DCC: variants seen among roughly 807,000 people sequenced by gnomAD.
DCC encodes the protein netrin receptor DCC.
In DCC, 58 loss-of-function variants were observed where a neutral mutation model predicts 172.5. That is an observed-to-expected ratio of 0.34 (90% CI 0.27 to 0.42). DCC has a LOEUF of 0.42. Ranked by LOEUF, DCC falls within the 10% of genes least tolerant of loss-of-function variation. The pLI, the probability that DCC is intolerant of heterozygous loss-of-function variation, is 1.00. For missense variants in DCC, 1,740 were observed against 1,791.0 expected, an observed-to-expected ratio of 0.97 and a Z score of 0.51; for synonymous variants, 709 against 644.5, an observed-to-expected ratio of 1.10 and a Z score of -1.52.
chr18:53,175,651 C>A (rs2055080565), intron 8 of DCC, among the ~76,000 whole-genome samples: 1 of 151,864 alleles, frequency 6.6e-6, no homozygotes, highest in African/African-American at 2.4e-5. Context: ...AGGAGAACTA[C>A]AAACCACTGC....
chr18:53,053,805 A>G (rs182187994), intron 5 of DCC, among the ~76,000 whole-genome samples: 87 of 152,272 alleles, frequency 5.7e-4, no homozygotes, highest in African/African-American at 1.9e-3. Context: ...AACACACATG[A>G]TTTAACACTT....
At chr18:53,123,339 G>A (rs1295627718) in intron 7 of DCC, among the ~76,000 whole-genome samples, 3 of 152,092 alleles carry the variant, frequency 2.0e-5, no homozygotes, top group African/African-American at 7.2e-5. Context: ...GAACAATATA[G>A]ACAAGACCTA....
At chr18:52,813,959 C>G (rs1800864305) in intron 2 of DCC, among the ~76,000 whole-genome samples, 1 of 152,212 alleles carries the variant, frequency 6.6e-6, no homozygotes, top group Non-Finnish European at 1.5e-5. Context: ...TGGACTGAAA[C>G]TACACATAGG....
Position 52,558,941 on chromosome 18 carries a change from G to A in DCC, c.92-193113G>A, listed in dbSNP as rs77949303. ...TAGACAAGGAAACCGAGGTTGGGAC[G>A]GGTGATGTAGTTTGCTTACGGTTAT... On this transcript the variant is annotated intron_variant, in intron 1 of 28. Transcript: ENST00000442544. 5.6e-3 allele frequency among the ~76,000 whole-genome samples: 849 copies of A among 152,212 alleles called. 34 individuals are homozygous for A. In the East Asian group the frequency reaches 0.11, roughly 20 times the overall value.
intron 5 of DCC, among the ~76,000 whole-genome samples, chr18:53,041,565 G>A (rs1216891325): frequency 6.6e-6 from 1 of 152,034 alleles, no homozygotes; most frequent in African/African-American, 2.4e-5. Flanking sequence ...GCCAATGGTA[G>A]CTTGATGGGA....
intron 5 of DCC, among the ~76,000 whole-genome samples, chr18:53,022,200 A>C (rs867528110): frequency 2.0e-5 from 3 of 152,170 alleles, no homozygotes; most frequent in South Asian, 2.1e-4. Context: ...ATAAATTTGT[A>C]ATAACCTATT....
chr18:52,676,842 T>A (rs1341991110), intron 1 of DCC, among the ~76,000 whole-genome samples: 1 of 152,210 alleles, frequency 6.6e-6, no homozygotes, highest in East Asian at 1.9e-4. Flanking sequence ...TACCCAATGA[T>A]CTTTTCCTGG....
intron 1 of DCC, among the ~76,000 whole-genome samples, chr18:52,586,439 A>C (rs1411890047): frequency 6.6e-6 from 1 of 152,004 alleles, no homozygotes; most frequent in Admixed American, 6.6e-5. Flanking sequence ...CAATCACCCC[A>C]CCCAACACTG....
chr18:53,495,551 TTTTTCCTTCA>T (rs1203258778), intron 26 of DCC, among the ~76,000 whole-genome samples: 1 of 152,120 alleles, frequency 6.6e-6, no homozygotes, highest in East Asian at 1.9e-4. Flanking sequence ...CCCTTAACAT[TTTTTCCTTCA>T]TTTCAACCTT....
chr18:52,947,699 C>T (rs1000818544), intron 5 of DCC, among the ~76,000 whole-genome samples: 1 of 152,160 alleles, frequency 6.6e-6, no homozygotes, highest in Non-Finnish European at 1.5e-5. Flanking sequence ...GTGTTGACTA[C>T]CTCTTATGGA....
intron 1 of DCC, among the ~76,000 whole-genome samples, chr18:52,727,429 T>C (rs1474609682): frequency 1.3e-5 from 2 of 152,150 alleles, no homozygotes; most frequent in East Asian, 1.9e-4. Context: ...GACAGTGTAA[T>C]GAATAACAGA....
At chr18:52,748,235 A>C (rs1489077024) in intron 1 of DCC, among the ~76,000 whole-genome samples, 1 of 152,224 alleles carries the variant, frequency 6.6e-6, no homozygotes, top group African/African-American at 2.4e-5. Context: ...GGCATACTGC[A>C]AGCAAATTCT....
At chr18:53,090,704 A>AAAAT (rs1568298425) in intron 7 of DCC, among the ~76,000 whole-genome samples, 1 of 62,282 alleles carries the variant, frequency 1.6e-5, no homozygotes, top group Non-Finnish European at 2.9e-5. Flanking sequence ...CCAACAAAAA[A>AAAAT]AAAAAAAAAA....
Position 52,925,270 on chromosome 18 carries a change from G to T in DCC, c.885G>T (p.Leu295Phe). ...KKYSLLGGSN[L>F]LISNVTDDDS... Reference sequence around the variant, plus strand: ...ATTCTTTATTGGGTGGAAGCAACTTGCTTATCTCCAATGTGACAGATGATG... The same window carrying T: ...ATTCTTTATTGGGTGGAAGCAACTTTCTTATCTCCAATGTGACAGATGATG... The change falls in exon 5 of 29, where the codon TTG becomes TTT. Residue 295 changes from leucine (L) to phenylalanine (F), a missense_variant. Physicochemically the swap from Leu to Phe is conservative, Grantham distance 22. Transcript: ENST00000442544. 1 of 1,612,604 alleles carries T rather than the reference G, an allele frequency of 6.2e-7. No homozygotes were observed. Among genetic ancestry groups the T allele is most frequent in the Non-Finnish European group, 8.5e-7 (1 of 1,178,914 alleles).
At chr18:52,645,935 G>T (rs934599616) in intron 1 of DCC, among the ~76,000 whole-genome samples, 2 of 152,212 alleles carry the variant, frequency 1.3e-5, no homozygotes, top group African/African-American at 4.8e-5. Flanking sequence ...GCATTTGGAG[G>T]TTAGGTGCTT....
At chr18:53,495,577 A>T (rs1266522231) in intron 26 of DCC, among the ~76,000 whole-genome samples, 2 of 152,026 alleles carry the variant, frequency 1.3e-5, no homozygotes, top group Non-Finnish European at 2.9e-5. Context: ...ACCTTGGTGA[A>T]TCTGACAATT....
chr18:53,488,387 A>G (rs2045925778), intron 26 of DCC, among the ~76,000 whole-genome samples: 1 of 152,212 alleles, frequency 6.6e-6, no homozygotes, highest in Non-Finnish European at 1.5e-5. Context: ...TCAAATTAAA[A>G]AAAAAGAATG....
intron 1 of DCC, among the ~76,000 whole-genome samples, chr18:52,621,555 A>G (rs1437833891): frequency 6.6e-6 from 1 of 152,188 alleles, no homozygotes; most frequent in Non-Finnish European, 1.5e-5. Context: ...GGGTTTGGCC[A>G]CTGGCAGAGC....
intron 1 of DCC, among the ~76,000 whole-genome samples, chr18:52,706,649 T>C (rs930595213): frequency 6.6e-6 from 1 of 152,198 alleles, no homozygotes; most frequent in Non-Finnish European, 1.5e-5. Flanking sequence ...AAATGCTTTT[T>C]ACTTTTGTAC....
Sources: allele counts gnomAD v4.1 joint callset (sites outside exome capture counted in the v4.1 genomes callset), GRCh38; gene constraint gnomAD v4.1.1; transcripts MANE v1.5; gene names NCBI Gene and HGNC (gene_info 2026-07-23, HGNC 2026-07-21).